Variants in RAB38 observed in about 807,000 individuals in gnomAD.
RAB38 encodes the protein ras-related protein Rab-38.
A neutral mutation model predicts 18.4 loss-of-function variants in RAB38; 15 were observed. The observed-to-expected ratio is 0.82, with a 90% confidence interval of 0.55 to 1.26. The LOEUF (loss-of-function observed/expected upper bound fraction) is 1.26, where lower values mean the gene tolerates loss of function less well. RAB38 is among the 50% of genes most tolerant of loss of function. The probability of loss-of-function intolerance (pLI) is 0.00; values close to 1 mark genes in which losing one functional copy is unlikely to be tolerated. For missense variants in RAB38, 294 were observed against 267.4 expected (o/e 1.10, Z -0.69); for synonymous variants, 101 against 104.4 (o/e 0.97, Z 0.20).
chr11:88,165,950 G>C (rs1289913091), intron 1 of RAB38: 1 of 152,060 alleles, frequency 6.6e-6, no homozygotes, highest in East Asian at 1.9e-4. Context: ...AAGAAAAGTT[G>C]TATGGGACTC....
the RAB38 span, among the ~76,000 whole-genome samples, chr11:88,042,877 G>A: frequency 6.6e-6 from 1 of 152,192 alleles, no homozygotes; most frequent in African/African-American, 2.4e-5. Flanking sequence ...TGGCTCATAG[G>A]CTGAGAACAG....
chr11:88,108,790 A>C (rs1942435750), downstream of RAB38, among the ~76,000 whole-genome samples: 2 of 152,038 alleles, frequency 1.3e-5, no homozygotes, highest in African/African-American at 4.8e-5. Context: ...TTTCCTTTCC[A>C]TATTTAGGCT....
the RAB38 span, among the ~76,000 whole-genome samples, chr11:88,052,118 C>T: frequency 7.9e-5 from 12 of 151,996 alleles, no homozygotes; most frequent in African/African-American, 2.4e-4. Flanking sequence ...AGCGAAACTC[C>T]GCCTCAAAAT....
At chr11:88,072,751 T>G in the RAB38 span, among the ~76,000 whole-genome samples, 2 of 151,954 alleles carry the variant, frequency 1.3e-5, no homozygotes, top group African/African-American at 4.8e-5. Flanking sequence ...ACACTTACAT[T>G]ACCAAAGAAA....
the RAB38 span, among the ~76,000 whole-genome samples, chr11:88,079,547 C>T: frequency 6.6e-6 from 1 of 151,686 alleles, no homozygotes; most frequent in African/African-American, 2.4e-5. Context: ...ATACTGGTCA[C>T]CTGATATTAT....
At chr11:88,123,941 G>A (rs1319113771) in intron 2 of RAB38, among the ~76,000 whole-genome samples, 1 of 152,126 alleles carries the variant, frequency 6.6e-6, no homozygotes, top group African/African-American at 2.4e-5. Flanking sequence ...TCCCAAACTA[G>A]AGAGTTAATT....
chr11:88,126,191 C>T (rs1363823204), intron 2 of RAB38, among the ~76,000 whole-genome samples: 20 of 152,094 alleles, frequency 1.3e-4, no homozygotes, highest in Non-Finnish European at 2.9e-4. Context: ...ATTGACTTGG[C>T]AATGCGGGCT....
the RAB38 span, among the ~76,000 whole-genome samples, chr11:87,950,575 G>T: frequency 0.023 from 3,459 of 152,224 alleles, 138 homozygotes; most frequent in African/African-American, 0.08. Context: ...TTTTAAGGCA[G>T]GCCTGGTAGT....
At chr11:88,158,223 G>A (rs1003895446) in intron 1 of RAB38, among the ~76,000 whole-genome samples, 1 of 151,888 alleles carries the variant, frequency 6.6e-6, no homozygotes, top group Non-Finnish European at 1.5e-5. Context: ...TGCCAAGATT[G>A]AATCAGAAAG....
At chr11:87,926,138 G>A in the RAB38 span, among the ~76,000 whole-genome samples, 1 of 151,638 alleles carries the variant, frequency 6.6e-6, no homozygotes, top group South Asian at 2.1e-4. Context: ...AATGAGCAGA[G>A]AGGTCCGACC....
At chr11:88,172,155 C>T (rs761960735) in intron 1 of RAB38, among the ~76,000 whole-genome samples, 2 of 152,242 alleles carry the variant, frequency 1.3e-5, no homozygotes, top group Admixed American at 6.5e-5. Flanking sequence ...GGCTCTTCCT[C>T]TACTAGCTGG....
the RAB38 span, among the ~76,000 whole-genome samples, chr11:87,941,676 C>T: frequency 6.6e-6 from 1 of 152,066 alleles, no homozygotes; most frequent in African/African-American, 2.4e-5. Flanking sequence ...CAATAAGTTA[C>T]AGCTATCAGG....
At chr11:88,026,022 T>C in the RAB38 span, among the ~76,000 whole-genome samples, 3 of 152,004 alleles carry the variant, frequency 2.0e-5, no homozygotes, top group Non-Finnish European at 2.9e-5. Context: ...TGGAGTGCAA[T>C]GGCGCGATTT....
the RAB38 span, among the ~76,000 whole-genome samples, chr11:87,937,598 C>T: frequency 6.6e-6 from 1 of 151,450 alleles, no homozygotes; most frequent in Non-Finnish European, 1.5e-5. Flanking sequence ...AATTATAAAT[C>T]CAATTTCATG....
the RAB38 span, among the ~76,000 whole-genome samples, chr11:87,813,532 C>CAT: frequency 6.7e-6 from 1 of 149,180 alleles, no homozygotes; most frequent in Non-Finnish European, 1.5e-5. Context: ...CACACACACA[C>CAT]ACATCTCTGT....
the RAB38 span, among the ~76,000 whole-genome samples, chr11:87,889,404 C>T: frequency 6.6e-6 from 1 of 151,918 alleles, no homozygotes. Flanking sequence ...AGAATCTGCT[C>T]AAGATCACCT....
the RAB38 span, chr11:88,060,153 T>C: frequency 6.6e-6 from 1 of 152,182 alleles, no homozygotes; most frequent in Non-Finnish European, 1.5e-5. Context: ...ACATGAGATT[T>C]ATTTTCATTC....
At chr11:88,082,267 G>A in the RAB38 span, among the ~76,000 whole-genome samples, 17,354 of 151,686 alleles carry the variant, frequency 0.11, 1,968 homozygotes, top group East Asian at 0.33. Context: ...AATAAGCAAT[G>A]AGAAGATACT....
the RAB38 span, among the ~76,000 whole-genome samples, chr11:87,852,828 C>A: frequency 6.6e-6 from 1 of 152,122 alleles, no homozygotes; most frequent in East Asian, 1.9e-4. Context: ...TCTTTTCTCA[C>A]CTCTTTTCAA....
Sources: gnomAD v4.1 joint callset for allele counts (sites outside exome capture counted in the v4.1 genomes callset) on GRCh38, gnomAD v4.1.1 for gene constraint, MANE v1.5 for transcripts, NCBI Gene and HGNC (gene_info 2026-07-23, HGNC 2026-07-21) for gene names.